Variants in FAM78A observed in about 807,000 individuals in gnomAD.
FAM78A encodes the protein protein FAM78A.
A neutral mutation model predicts 22.6 loss-of-function variants in FAM78A; 12 were observed. That is an observed-to-expected ratio of 0.53 (90% CI 0.34 to 0.86). The LOEUF is 0.86. Among genes scored for constraint, FAM78A ranks in the 40% least tolerant of loss-of-function variants. The pLI is 0.02. For synonymous variants in FAM78A, 151 were observed against 155.8 expected (o/e 0.97, Z 0.23); for missense variants, 322 against 396.1 (o/e 0.81, Z 1.59).
intron 1 of FAM78A, among the ~76,000 whole-genome samples, chr9:131,266,219 G>A (rs1458542764): frequency 6.6e-6 from 1 of 152,132 alleles, no homozygotes; most frequent in African/African-American, 2.4e-5. Context: ...GCAGCCCGAA[G>A]GATCTTCTAA....
upstream of FAM78A, among the ~76,000 whole-genome samples, chr9:131,277,996 C>A (rs917560214): frequency 2.1e-5 from 3 of 146,184 alleles, no homozygotes; most frequent in Admixed American, 6.8e-5. This position sits in a 1 kb window ranked among gnomAD's most constrained non-coding sequence, Gnocchi z 8.4. Flanking sequence ...CCGGCGCACG[C>A]AGGGACCGCC....
In FAM78A at chr9:131,261,987, G is replaced by T. The variant is rs575663381; in HGVS notation, c.324-637C>A. On this transcript the variant is annotated intron_variant, in intron 1 of 1. Transcript: ENST00000372271. The surrounding 1 kb of genome is among the most constrained non-coding windows in gnomAD (Gnocchi z 7.1). ...CACACCTGTAATCCCAGCACTTTGG[G>T]AGGCTGAGGCAGGCTGATCACTTGA... Among the ~76,000 whole-genome samples, 300 of 151,892 alleles carry T rather than the reference G, an allele frequency of 2.0e-3. 2 individuals are homozygous for T. The highest frequency in any genetic ancestry group is 6.8e-3 in the Middle Eastern group (2 of 294).
rs1835225932 is a variant in FAM78A at position 131,259,082 on chromosome 9, A to T, written c.*1740T>A. The T allele has an allele frequency of 6.6e-6, 1 of 152,664 alleles. No homozygotes were observed. The highest frequency in any genetic ancestry group is 1.5e-5 in the Non-Finnish European group (1 of 68,052). 9.5% of individuals were successfully genotyped at this position (152,664 alleles called of 1,614,324 possible). The stretch of plus-strand genomic sequence containing the variant: ...CCCACGCTGTCACGGAGACTCTTAC[A>T]AGTGGCTCATCTGCAGCAGAAATGG... On this transcript the variant is annotated 3_prime_UTR_variant, in exon 2 of 2. Transcript: ENST00000372271.
chr9:131,260,675 C>A lies in FAM78A; in HGVS notation c.*147G>T. 1 of 983,726 alleles carries A rather than the reference C, an allele frequency of 1.0e-6. No individual in the cohort carries two copies. The highest frequency in any genetic ancestry group is 1.4e-6 in the Non-Finnish European group (1 of 705,126). The allele number at this position is 983,726 out of a possible 1,614,324, so 60.9% of individuals were successfully genotyped here. ...AAGCAGGTGCCGAGAGCCGGGGAGG[C>A]CTTCCCGGGGGCATCAGCACAGTGA... On this transcript the variant is annotated 3_prime_UTR_variant, in exon 2 of 2. Transcript: ENST00000372271. The surrounding 1 kb of genome is among the most constrained non-coding windows in gnomAD (Gnocchi z 5.4).
intron 1 of FAM78A, chr9:131,270,283 C>T: frequency 1.4e-6 from 1 of 717,488 alleles, no homozygotes; most frequent in Non-Finnish European, 2.6e-6. Flanking sequence ...CACCTCTCAG[C>T]ATCCTCACCT....
chr9:131,278,188 T>G (rs893269740), upstream of FAM78A, among the ~76,000 whole-genome samples: 32 of 151,838 alleles, frequency 2.1e-4, no homozygotes, highest in Admixed American at 2.0e-3. Context: ...CTCGGGGAGC[T>G]GAGCCTCTCC....
Position 131,265,592 on chromosome 9 carries a change from G to A in FAM78A, c.324-4242C>T, listed in dbSNP as rs1835333959. On this transcript the variant is annotated intron_variant, in intron 1 of 1. Coordinates refer to ENST00000372271, the MANE Select transcript of FAM78A (RefSeq NM_033387.4). This position sits in a 1 kb window ranked among gnomAD's most constrained non-coding sequence, Gnocchi z 4.3. The stretch of plus-strand genomic sequence containing the variant: ...AGTAGAGACGGAGTTTCACCATGTT[G>A]GCCAGGCTGGTCTCAAACCCCTGAC... Among the ~76,000 whole-genome samples, 1 of 151,758 alleles carries A rather than the reference G, an allele frequency of 6.6e-6. No homozygotes were observed. Among genetic ancestry groups the A allele is most frequent in the Non-Finnish European group, 1.5e-5 (1 of 67,936 alleles).
rs565569474 is a variant in FAM78A, at chr9:131,275,654, T to C, written c.323+203A>G. On this transcript the variant is annotated intron_variant, in intron 1 of 1. Coordinates refer to ENST00000372271, the MANE Select transcript of FAM78A (RefSeq NM_033387.4). The surrounding 1 kb of genome is among the most constrained non-coding windows in gnomAD (Gnocchi z 4.6). ...AGTGGCAGGGTAGATTGCAGGACCG[T>C]GACTCCAATCTGGATCCACAGGCAA... is the stretch of plus-strand genomic sequence containing the variant. Among the ~76,000 whole-genome samples the C allele has an allele frequency of 2.0e-5, 3 of 152,314 alleles. No homozygotes were observed. The Middle Eastern group carries it at 0.01, about 518-fold the overall frequency.
rs935348701 is a variant in FAM78A, at chr9:131,260,601, G to A, written c.*221C>T. 1.4e-5 allele frequency: 6 copies of A among 436,582 alleles called. No homozygotes were observed. The highest frequency in any genetic ancestry group is 3.5e-5 in the East Asian group (1 of 28,694). 27.0% of individuals were successfully genotyped at this position (436,582 alleles called of 1,614,324 possible). A position where few individuals can be genotyped will look rare whatever the true frequency, so the allele number is the denominator to read the frequency against. ...GGAGACCAGAGGTCACCCTGAGGGC[G>A]CACGTGGGGTCTGTCTGTCCTGCTT... is the stretch of plus-strand genomic sequence containing the variant. On this transcript the variant is annotated 3_prime_UTR_variant, in exon 2 of 2. Transcript: ENST00000372271. This position sits in a 1 kb window ranked among gnomAD's most constrained non-coding sequence, Gnocchi z 5.4.
intron 1 of FAM78A, among the ~76,000 whole-genome samples, chr9:131,268,226 T>G (rs980049415): frequency 6.6e-6 from 1 of 152,140 alleles, no homozygotes; most frequent in African/African-American, 2.4e-5. Flanking sequence ...TTGCAGAAAG[T>G]ACTCATTCTG....
Position 131,261,028 on chromosome 9 carries a change from T to C in FAM78A, c.646A>G (p.Ser216Gly). ...GGCCGGTTGGGGTTCACCTCGATGC[T>C]GAGCTGCATGCGCCAGTGCAGCGTC... is the stretch of plus-strand genomic sequence containing the variant. ...LQTLHWRMQL[S>G]IEVNPNRPLG... The change falls in exon 2 of 2, where the codon AGC becomes GGC. Residue 216 changes from serine (S) to glycine (G), a missense_variant. Physicochemically the swap from Ser to Gly is moderately conservative, Grantham distance 56. Transcript: ENST00000372271. This position sits in a 1 kb window ranked among gnomAD's most constrained non-coding sequence, Gnocchi z 7.1. 1 of 1,614,060 alleles carries C rather than the reference T, an allele frequency of 6.2e-7. No individual in the cohort carries two copies. Among genetic ancestry groups the C allele is most frequent in the Non-Finnish European group, 8.5e-7 (1 of 1,180,000 alleles).
At chr9:131,278,508 C>G (rs1178032605), upstream of FAM78A, among the ~76,000 whole-genome samples, 1 of 152,106 alleles carries the variant, frequency 6.6e-6, no homozygotes, top group East Asian at 1.9e-4. Context: ...CCTGTTGGAC[C>G]CCGGCTGTGT....
At chr9:131,277,734 G>A (rs1045945616), upstream of FAM78A, among the ~76,000 whole-genome samples, 5 of 151,220 alleles carry the variant, frequency 3.3e-5, no homozygotes, top group African/African-American at 7.3e-5. This position sits in a 1 kb window ranked among gnomAD's most constrained non-coding sequence, Gnocchi z 8.4. Context: ...CTTCGGGGGG[G>A]CGGCCGGGGG....
intron 1 of FAM78A, chr9:131,264,078 T>C (rs1300478571): frequency 6.5e-6 from 1 of 153,668 alleles, no homozygotes; most frequent in Non-Finnish European, 1.5e-5. Flanking sequence ...CCTCACACAG[T>C]GCTTACACTT....
In FAM78A at chr9:131,260,668, G is replaced by C; in HGVS notation, c.*154C>G. 1.2e-6 allele frequency: 1 copy of C among 857,828 alleles called. No individual in the cohort carries two copies. The highest frequency in any genetic ancestry group is 1.7e-6 in the Non-Finnish European group (1 of 593,594). 53.1% of individuals were successfully genotyped at this position (857,828 alleles called of 1,614,324 possible). A position where few individuals can be genotyped will look rare whatever the true frequency, so the allele number is the denominator to read the frequency against. The stretch of plus-strand genomic sequence containing the variant: ...TGAAAGGAAGCAGGTGCCGAGAGCC[G>C]GGGAGGCCTTCCCGGGGGCATCAGC... On this transcript the variant is annotated 3_prime_UTR_variant, in exon 2 of 2. Coordinates refer to ENST00000372271, the MANE Select transcript of FAM78A (RefSeq NM_033387.4). This position sits in a 1 kb window ranked among gnomAD's most constrained non-coding sequence, Gnocchi z 5.4.
Position 131,261,934 on chromosome 9 carries a change from A to C in FAM78A, c.324-584T>G, listed in dbSNP as rs1370827639. The stretch of plus-strand genomic sequence containing the variant: ...CTCCCAGGAACAAGCTACTGTTAAA[A>C]ATGCACTCCTGGCCGGGCGTGGTGG... On this transcript the variant is annotated intron_variant, in intron 1 of 1. Transcript: ENST00000372271. The surrounding 1 kb of genome is among the most constrained non-coding windows in gnomAD (Gnocchi z 7.1). Among the ~76,000 whole-genome samples the C allele has an allele frequency of 2.0e-5, 3 of 152,110 alleles. No homozygotes were observed. The highest frequency in any genetic ancestry group is 4.4e-5 in the Non-Finnish European group (3 of 68,014).
Position 131,261,063 on chromosome 9 carries a change from A to G in FAM78A, c.611T>C (p.Ile204Thr). The G allele has an allele frequency of 6.2e-6, 10 of 1,614,124 alleles. No homozygotes were observed. The highest frequency in any genetic ancestry group is 8.5e-6 in the Non-Finnish European group (10 of 1,180,022). The change falls in exon 2 of 2, where the codon ATC (isoleucine) becomes ACC (threonine). Residue 204 changes from isoleucine to threonine, a missense_variant. Transcript: ENST00000372271. This position sits in a 1 kb window ranked among gnomAD's most constrained non-coding sequence, Gnocchi z 7.1. ...GCGCCAGTGCAGCGTCTGCAGGATG[A>G]TCATGTCGTTGGTGGAGGTGTTGGT... is the stretch of plus-strand genomic sequence containing the variant. ...VATNTSTNDMIILQTLHWRMQ... is the reference protein window; with the variant it reads ...VATNTSTNDMTILQTLHWRMQ...
At chr9:131,264,579 C>T in intron 1 of FAM78A, 2 of 717,366 alleles carry the variant, frequency 2.8e-6, no homozygotes, top group Non-Finnish European at 2.6e-6. Context: ...TGTACTGATA[C>T]TCACTGCCTG....
chr9:131,264,386 G>A (rs759067406), intron 1 of FAM78A: 11 of 560,634 alleles, frequency 2.0e-5, no homozygotes, highest in Admixed American at 6.4e-5. Context: ...GGGCCAAATC[G>A]TCACCAGGCT....
Sources: allele counts gnomAD v4.1 joint callset (sites outside exome capture counted in the v4.1 genomes callset), GRCh38; gene constraint gnomAD v4.1.1; non-coding constraint Gnocchi (gnomAD v3.1); transcripts MANE v1.5; gene names NCBI Gene and HGNC (gene_info 2026-07-23, HGNC 2026-07-21).